SMYD1: variants seen among roughly 807,000 people sequenced by gnomAD.
SMYD1 encodes the protein histone-lysine N-methyltransferase SMYD1.
Under a neutral mutation model 54.0 loss-of-function variants are expected in SMYD1, and 49 were observed. The ratio of observed to expected loss-of-function variants is 0.91; its 90% CI spans 0.72 to 1.15. SMYD1 has a LOEUF of 1.15. Ranked by LOEUF, SMYD1 falls within the 50% of genes most tolerant of loss-of-function variation. SMYD1 has a pLI of 0.00. For missense variants in SMYD1, 653 were observed against 639.6 expected (o/e 1.02, Z -0.23); for synonymous variants, 269 against 234.2 (o/e 1.15, Z -1.36).
intron 6 of SMYD1, 100 bp from the exon 7 acceptor site, chr2:88,102,958 A>G (rs936671795): frequency 1.2e-6 from 1 of 869,246 alleles, no homozygotes; most frequent in Non-Finnish European, 1.9e-6. Context: ...GGAAGACATT[A>G]ACCTTGTGCT....
At chr2:88,070,312 A>G (rs1673917389) in intron 1 of SMYD1, among the ~76,000 whole-genome samples, 1 of 152,160 alleles carries the variant, frequency 6.6e-6, no homozygotes, top group Admixed American at 6.5e-5. Flanking sequence ...TCACCCACAA[A>G]AGTCACTGTA....
chr2:88,091,050 C>T lies in SMYD1; in HGVS notation c.567C>T (p.Gly189=), dbSNP rs762696407. The change falls in exon 4 of 10, where the codon GGC becomes GGT. Residue 189 remains glycine, a synonymous_variant. Transcript: ENST00000419482. Reference sequence around the variant, plus strand: ...GTTTTACTCTCAGTGATCAGAGAGGCCTGCAGGCCGTGGGCGTAGGCATCT... The same window carrying T: ...GTTTTACTCTCAGTGATCAGAGAGGTCTGCAGGCCGTGGGCGTAGGCATCT... ...CNGFTLSDQR[G]LQAVGVGIFP... 2.0e-5 allele frequency: 32 copies of T among 1,614,008 alleles called. No homozygotes were observed. Among genetic ancestry groups the T allele is most frequent in the African/African-American group, 5.3e-5 (4 of 74,918 alleles).
At position 88,110,545 on chromosome 2, in the gene SMYD1, G is replaced by C. The variant is rs1271397384; in HGVS notation, c.*33G>C. On this transcript the variant is annotated 3_prime_UTR_variant, in exon 10 of 10. Transcript: ENST00000419482. ...CCAGTGGAGGAGGGGCGATGTGGCT[G>C]GGGAGCTAGGGAGAGACTCTGGAGG... is the stretch of plus-strand genomic sequence containing the variant. The C allele has an allele frequency of 2.0e-6, 3 of 1,520,520 alleles. No homozygotes were observed. Among genetic ancestry groups the C allele is most frequent in the Non-Finnish European group, 2.7e-6 (3 of 1,127,588 alleles). 94.2% of individuals were successfully genotyped at this position (1,520,520 alleles called of 1,614,324 possible).
Position 88,091,002 on chromosome 2 carries a change from C to A in SMYD1, c.529-10C>A. The A allele has an allele frequency of 3.1e-6, 5 of 1,610,552 alleles. No individual in the cohort carries two copies. The highest frequency in any genetic ancestry group is 4.2e-6 in the Non-Finnish European group (5 of 1,177,896). On this transcript the variant is annotated splice_polypyrimidine_tract_variant and intron_variant, in intron 3 of 9. Coordinates refer to ENST00000419482, the MANE Select transcript of SMYD1 (RefSeq NM_198274.4). ...TGTCGACTGACTCTTTCATCTTTTC[C>A]CCTGGGTAGATTAACTGCAACGGTT...
chr2:88,090,991 T>C, intron 3 of SMYD1, 21 bp from the exon 4 acceptor site: 1 of 1,606,094 alleles, frequency 6.2e-7, no homozygotes, highest in Non-Finnish European at 8.5e-7. Flanking sequence ...GACTGACTCT[T>C]TCATCTTTTC....
intron 5 of SMYD1, among the ~76,000 whole-genome samples, chr2:88,095,071 C>T (rs2970908): frequency 0.58 from 88,092 of 151,960 alleles, 26,153 homozygotes; most frequent in African/African-American, 0.7. Context: ...TATGAAGTTC[C>T]AATCCTGGCT....
At chr2:88,069,561 C>A (rs754309296) in intron 1 of SMYD1, among the ~76,000 whole-genome samples, 61 of 152,208 alleles carry the variant, frequency 4.0e-4, no homozygotes, top group African/African-American at 1.3e-3. Flanking sequence ...GAGTTACTGC[C>A]TGGCCTTGTG....
chr2:88,091,690 A>T (rs1214697345), intron 4 of SMYD1, among the ~76,000 whole-genome samples: 1 of 152,142 alleles, frequency 6.6e-6, no homozygotes, highest in Non-Finnish European at 1.5e-5. Context: ...TCTATAAAAA[A>T]TAAATAAATA....
intron 9 of SMYD1, 152 bp from the exon 10 acceptor site, chr2:88,110,202 T>TGA: frequency 1.7e-5 from 2 of 120,500 alleles, no homozygotes; most frequent in South Asian, 1.3e-4. Flanking sequence ...GATGAATGAG[T>TGA]GTGTGTGTGT....
chr2:88,095,677 T>TG (rs1403879100), intron 5 of SMYD1, among the ~76,000 whole-genome samples: 1 of 152,194 alleles, frequency 6.6e-6, no homozygotes, highest in Non-Finnish European at 1.5e-5. Flanking sequence ...CCCAGGATTC[T>TG]GGGGAGATAC....
intron 6 of SMYD1, among the ~76,000 whole-genome samples, chr2:88,097,584 A>G (rs555194559): frequency 6.6e-6 from 1 of 152,180 alleles, no homozygotes; most frequent in Non-Finnish European, 1.5e-5. Context: ...GGCGTCTCAC[A>G]TGACATTCTC....
At chr2:88,089,583 CTGTTTT>C (rs1674416168) in intron 3 of SMYD1, among the ~76,000 whole-genome samples, 1 of 114,992 alleles carries the variant, frequency 8.7e-6, no homozygotes, top group African/African-American at 3.7e-5. Flanking sequence ...GAGCTTCTAC[CTGTTTT>C]TTTTTTTTTT....
intron 1 of SMYD1, among the ~76,000 whole-genome samples, chr2:88,078,066 C>T (rs565579406): frequency 5.3e-5 from 8 of 152,206 alleles, no homozygotes; most frequent in African/African-American, 1.2e-4. Context: ...TGTCCCCATA[C>T]GATGTTCTCC....
rs770910976 is a variant in SMYD1 at position 88,084,487 on chromosome 2, C to T, written c.309C>T (p.Asn103=). The T allele has an allele frequency of 1.3e-5, 21 of 1,580,804 alleles. No individual in the cohort carries two copies. The highest frequency in any genetic ancestry group is 2.2e-5 in the South Asian group (2 of 89,410). ...IKRYGKVPNE[N]IRLAARIMWR... The stretch of plus-strand genomic sequence containing the variant: ...GATATGGGAAGGTGCCCAATGAGAA[C>T]ATCAGGTGAGAGCTGGGCACCCTGG... Residue 103 remains asparagine, a synonymous_variant, in exon 2 of 10, where the codon AAC becomes AAT. Transcript: ENST00000419482.
intron 1 of SMYD1, among the ~76,000 whole-genome samples, chr2:88,080,553 A>T (rs538777682): frequency 2.6e-5 from 4 of 152,168 alleles, no homozygotes; most frequent in Non-Finnish European, 5.9e-5. Context: ...GTTACAAGGG[A>T]CAGACAGCAT....
At position 88,067,946 on chromosome 2, in the gene SMYD1, T is replaced by TG; in HGVS notation, c.85dup (p.Ala29GlyfsTer8). 6.2e-7 allele frequency: 1 copy of TG among 1,614,040 alleles called. No homozygotes were observed. The highest frequency in any genetic ancestry group is 8.5e-7 in the Non-Finnish European group (1 of 1,180,024). ...GGGTCTGAAGGCCACCAAGGAGTTC[T>TG]GGGCTGCAGATATCATCTTTGCTGA... On this transcript the variant is annotated frameshift_variant, in exon 1 of 10. Coordinates refer to ENST00000419482, the MANE Select transcript of SMYD1 (RefSeq NM_198274.4). LOFTEE classifies it high-confidence loss of function.
rs758623379 is a variant in SMYD1 at position 88,067,958 on chromosome 2, A to G, written c.94A>G (p.Ile32Val). Reference sequence around the variant, plus strand: ...CACCAAGGAGTTCTGGGCTGCAGATATCATCTTTGCTGAGCGGGCTTATTC... The same window carrying G: ...CACCAAGGAGTTCTGGGCTGCAGATGTCATCTTTGCTGAGCGGGCTTATTC... Reference protein sequence around the residue: ...KATKEFWAADIIFAERAYSAV... With the variant: ...KATKEFWAADVIFAERAYSAV... Residue 32 changes from isoleucine to valine, a missense_variant, in exon 1 of 10, where the codon ATC becomes GTC. Physicochemically the swap from Ile to Val is conservative, Grantham distance 29. Coordinates refer to ENST00000419482, the MANE Select transcript of SMYD1 (RefSeq NM_198274.4). 2.5e-6 allele frequency: 4 copies of G among 1,613,942 alleles called. No individual in the cohort carries two copies. The highest frequency in any genetic ancestry group is 3.4e-6 in the Non-Finnish European group (4 of 1,180,032).
At chr2:88,098,579 A>G (rs1000162538) in intron 6 of SMYD1, among the ~76,000 whole-genome samples, 2 of 152,202 alleles carry the variant, frequency 1.3e-5, no homozygotes, top group Non-Finnish European at 2.9e-5. Flanking sequence ...AAAATTGAGT[A>G]TATCTTTTTA....
intron 5 of SMYD1, among the ~76,000 whole-genome samples, chr2:88,094,115 A>G (rs1674522894): frequency 1.3e-5 from 2 of 151,234 alleles, no homozygotes; most frequent in Admixed American, 6.6e-5. Flanking sequence ...GGTGGGGTTG[A>G]CAGCTCTTGA....
Sources: allele counts gnomAD v4.1 joint callset (sites outside exome capture counted in the v4.1 genomes callset), GRCh38; gene constraint gnomAD v4.1.1; transcripts MANE v1.5; gene names NCBI Gene and HGNC (gene_info 2026-07-23, HGNC 2026-07-21).